Variants in RFX7 observed in about 807,000 individuals in gnomAD.
RFX7 encodes the protein DNA-binding protein RFX7.
RFX7 carries 26 observed loss-of-function variants against 111.8 expected under a neutral mutation model. That is an observed-to-expected ratio of 0.23 (90% CI 0.17 to 0.32). The LOEUF is 0.32. RFX7 is among the 10% of genes least tolerant of loss of function. The probability of loss-of-function intolerance (pLI) is 1.00; values close to 1 mark genes in which losing one functional copy is unlikely to be tolerated. For synonymous variants in RFX7, 624 were observed against 624.4 expected (o/e 1.00, Z 0.01); for missense variants, 1,573 against 1,772.9 (o/e 0.89, Z 2.02).
At chr15:56,226,958 T>C (rs2043492503) in intron 2 of RFX7, among the ~76,000 whole-genome samples, 1 of 152,162 alleles carries the variant, frequency 6.6e-6, no homozygotes, top group South Asian at 2.1e-4. Context: ...CTCAAATCTA[T>C]TTAATACAGG....
intron 5 of RFX7, among the ~76,000 whole-genome samples, chr15:56,133,238 T>A (rs546537389): frequency 6.6e-6 from 1 of 152,242 alleles, no homozygotes; most frequent in Admixed American, 6.5e-5. Flanking sequence ...TAAACTAAAC[T>A]GTTTTTGCAT....
At chr15:56,222,482 A>T (rs569380461) in intron 2 of RFX7, among the ~76,000 whole-genome samples, 1 of 152,142 alleles carries the variant, frequency 6.6e-6, no homozygotes, top group Non-Finnish European at 1.5e-5. Context: ...TGGGACTCCA[A>T]TTACACATAT....
chr15:56,223,095 C>A (rs562974036), intron 2 of RFX7, among the ~76,000 whole-genome samples: 7 of 152,244 alleles, frequency 4.6e-5, no homozygotes, highest in African/African-American at 1.7e-4. Flanking sequence ...CTGAGCGAGA[C>A]CTCTCCAATT....
At chr15:56,102,041 A>ATT in intron 7 of RFX7, 128 bp downstream of exon 7, 6 of 645,908 alleles carry the variant, frequency 9.3e-6, no homozygotes, top group African/African-American at 1.9e-5. Context: ...CCACTGTGTG[A>ATT]TTTTTTTTTT....
intron 2 of RFX7, among the ~76,000 whole-genome samples, chr15:56,180,666 G>T (rs1416555425): frequency 6.6e-6 from 1 of 151,506 alleles, no homozygotes; most frequent in African/African-American, 2.4e-5. Context: ...AGCACTTTGG[G>T]AGGCAGAGGC....
intron 2 of RFX7, among the ~76,000 whole-genome samples, chr15:56,222,622 T>C (rs1293328407): frequency 6.6e-6 from 1 of 152,186 alleles, no homozygotes; most frequent in African/African-American, 2.4e-5. Flanking sequence ...AATTTTTCAT[T>C]TCAGATATTA....
At chr15:56,212,817 A>G (rs1376742016) in intron 2 of RFX7, among the ~76,000 whole-genome samples, 1 of 152,222 alleles carries the variant, frequency 6.6e-6, no homozygotes, top group Non-Finnish European at 1.5e-5. Flanking sequence ...AAAAGCAATC[A>G]AATTAGAATG....
chr15:56,132,068 G>A (rs1247832610), intron 5 of RFX7, among the ~76,000 whole-genome samples: 2 of 151,664 alleles, frequency 1.3e-5, no homozygotes, highest in Non-Finnish European at 2.9e-5. Context: ...ACTTAATTGA[G>A]GGAAAAAAGG....
chr15:56,207,144 C>G (rs2043262079), intron 2 of RFX7, among the ~76,000 whole-genome samples: 1 of 151,940 alleles, frequency 6.6e-6, no homozygotes, highest in Non-Finnish European at 1.5e-5. Flanking sequence ...ATTAAAATAA[C>G]TATGTCAAAT....
At chr15:56,236,145 T>G (rs2043620897) in intron 2 of RFX7, among the ~76,000 whole-genome samples, 1 of 152,184 alleles carries the variant, frequency 6.6e-6, no homozygotes, top group South Asian at 2.1e-4. Flanking sequence ...GATAGAGAGG[T>G]TGTACATAAT....
At chr15:56,155,366 A>G (rs774241926) in intron 3 of RFX7, among the ~76,000 whole-genome samples, 2 of 152,176 alleles carry the variant, frequency 1.3e-5, no homozygotes, top group Non-Finnish European at 2.9e-5. Flanking sequence ...AACCAACCCA[A>G]ATGTCTATCA....
upstream of RFX7, chr15:56,244,008 G>A (rs1395526414): frequency 3.4e-5 from 5 of 148,400 alleles, no homozygotes; most frequent in Admixed American, 2.7e-4. Context: ...GCGGGCCAGC[G>A]GGCCAGGGAA....
chr15:56,096,132 T>C lies in RFX7; in HGVS notation c.1596A>G (p.Thr532=), dbSNP rs2041673504. 1 of 1,613,902 alleles carries C rather than the reference T, an allele frequency of 6.2e-7. No homozygotes were observed. The highest frequency in any genetic ancestry group is 2.2e-5 in the East Asian group (1 of 44,868). The change falls in exon 10 of 10, where the codon ACA becomes ACG. Residue 532 remains threonine, a synonymous_variant. Transcript: ENST00000559447. The stretch of plus-strand genomic sequence containing the variant: ...GTTCCACTTTGACTTCCACAGCAGA[T>C]GTTCCCCCCGCACTGCTGCTCCTGG... ...PGSRSSSAGG[T]SAVEVKVEPE... is the part of the protein sequence containing the mutation.
At chr15:56,206,218 AT>A (rs1215811409) in intron 2 of RFX7, among the ~76,000 whole-genome samples, 9 of 152,220 alleles carry the variant, frequency 5.9e-5, no homozygotes, top group Non-Finnish European at 8.8e-5. Context: ...ACAAAAAAAA[AT>A]GATACACATA....
chr15:56,199,407 T>C (rs1452333680), intron 2 of RFX7, among the ~76,000 whole-genome samples: 1 of 152,190 alleles, frequency 6.6e-6, no homozygotes, highest in African/African-American at 2.4e-5. Context: ...TATTTAAAAA[T>C]AGCTAATTTG....
chr15:56,095,237 A>G lies in RFX7; in HGVS notation c.2491T>C (p.Tyr831His). The G allele has an allele frequency of 6.2e-7, 1 of 1,613,822 alleles. No individual in the cohort carries two copies. The highest frequency in any genetic ancestry group is 2.2e-5 in the East Asian group (1 of 44,884). The stretch of plus-strand genomic sequence containing the variant: ...ATCTGGCTATGTAGCTGCTGGCTAT[A>G]TGTGTCCTGTGGCATTCCTTCTAAT... ...WELEGMPQDT[Y>H]SQQLHSQIQE... is the part of the protein sequence containing the mutation. The change falls in exon 10 of 10, where the codon TAT (tyrosine) becomes CAT (histidine). Residue 831 changes from tyrosine to histidine, a missense_variant. Physicochemically the swap from Tyr to His is moderately conservative, Grantham distance 83. Coordinates refer to ENST00000559447, the MANE Select transcript of RFX7 (RefSeq NM_022841.7).
chr15:56,123,827 T>G (rs1595943634), intron 5 of RFX7, among the ~76,000 whole-genome samples: 1 of 152,196 alleles, frequency 6.6e-6, no homozygotes, highest in African/African-American at 2.4e-5. Flanking sequence ...CTGCCCACTG[T>G]TGGCGGCACT....
chr15:56,099,117 A>AT (rs1271569208), intron 8 of RFX7, among the ~76,000 whole-genome samples: 1 of 152,208 alleles, frequency 6.6e-6, no homozygotes, highest in Non-Finnish European at 1.5e-5. Context: ...TAAAATAAAA[A>AT]TTTTTTAAAA....
At chr15:56,116,273 A>C (rs951429958) in intron 5 of RFX7, among the ~76,000 whole-genome samples, 1 of 152,220 alleles carries the variant, frequency 6.6e-6, no homozygotes, top group South Asian at 2.1e-4. Flanking sequence ...AAAACTAAGG[A>C]AGAGAGAGGT....
Sources: gnomAD v4.1 joint callset for allele counts (sites outside exome capture counted in the v4.1 genomes callset) on GRCh38, gnomAD v4.1.1 for gene constraint, MANE v1.5 for transcripts, NCBI Gene and HGNC (gene_info 2026-07-23, HGNC 2026-07-21) for gene names.